The following RB1CC1 variants were observed in gnomAD, a reference collection of about 807,000 sequenced individuals.
RB1CC1 encodes RB1 inducible coiled-coil 1, also known as RB1-inducible coiled-coil protein 1.
Under a neutral mutation model 177.5 loss-of-function variants are expected in RB1CC1, and 46 were observed. The observed-to-expected ratio is 0.26, with a 90% CI of 0.20 to 0.33. The LOEUF is 0.33. Ranked by LOEUF, RB1CC1 falls within the 10% of genes least tolerant of loss-of-function variation. The probability of loss-of-function intolerance (pLI) is 1.00; values close to 1 mark genes in which losing one functional copy is unlikely to be tolerated. For synonymous variants in RB1CC1, 666 were observed against 613.6 expected (o/e 1.09, Z -1.26); for missense variants, 1,703 against 1,816.3 (o/e 0.94, Z 1.13).
At chr8:52,675,712 TCCAAA>T (rs1464544403) in intron 6 of RB1CC1, among the ~76,000 whole-genome samples, 12 of 48,416 alleles carry the variant, frequency 2.5e-4, no homozygotes, top group East Asian at 2.2e-3. Flanking sequence ...CTACTAAAAA[TCCAAA>T]AAAAAAAAAA....
chr8:52,661,037 A>C (rs1284566681), intron 10 of RB1CC1, 30 bp from the exon 11 acceptor site: 1 of 1,611,430 alleles, frequency 6.2e-7, no homozygotes, highest in Non-Finnish European at 8.5e-7. Flanking sequence ...GTTAAACATA[A>C]ACATACACCA....
intron 20 of RB1CC1, 125 bp downstream of exon 20, chr8:52,634,796 C>A: frequency 1.3e-6 from 1 of 788,332 alleles, no homozygotes; most frequent in Non-Finnish European, 1.9e-6. Flanking sequence ...CCAACACGGA[C>A]CAACAAACCT....
chr8:52,707,645 C>T (rs1268454657), intron 1 of RB1CC1, among the ~76,000 whole-genome samples: 1 of 152,066 alleles, frequency 6.6e-6, no homozygotes, highest in African/African-American at 2.4e-5. Flanking sequence ...CCAGTTACAA[C>T]CAAGGTAGTC....
intron 8 of RB1CC1, among the ~76,000 whole-genome samples, chr8:52,664,836 G>A (rs982646591): frequency 6.6e-6 from 1 of 152,160 alleles, no homozygotes; most frequent in African/African-American, 2.4e-5. Context: ...AAACCAAGTA[G>A]ACTTGAGGGC....
At chr8:52,668,857 A>C (rs1852310019) in intron 7 of RB1CC1, among the ~76,000 whole-genome samples, 1 of 152,240 alleles carries the variant, frequency 6.6e-6, no homozygotes, top group African/African-American at 2.4e-5. Context: ...TTAGCATGGC[A>C]GATAACCTTT....
chr8:52,630,519 T>G lies in RB1CC1; in HGVS notation c.4450A>C (p.Ser1484Arg). ...TGCCTTGAAGATACTGAAGACATGC[T>G]CTGAGACATCTAAAAAAAAAAAAAA... is the stretch of plus-strand genomic sequence containing the variant. ...KRLNQRLMSQ[S>R]MSSVSSRHSE... is the part of the protein sequence containing the mutation. The change falls in exon 21 of 24, where the codon AGC (serine) becomes CGC (arginine). Residue 1484 changes from serine to arginine, a missense_variant. Physicochemically the swap from Ser to Arg is moderately radical, Grantham distance 110 (BLOSUM62 -1). Transcript: ENST00000025008. 1 of 1,563,970 alleles carries G rather than the reference T, an allele frequency of 6.4e-7. No individual in the cohort carries two copies. The highest frequency in any genetic ancestry group is 8.6e-7 in the Non-Finnish European group (1 of 1,160,336).
At chr8:52,687,189 C>T (rs1228371353) in intron 1 of RB1CC1, among the ~76,000 whole-genome samples, 2 of 152,116 alleles carry the variant, frequency 1.3e-5, no homozygotes, top group African/African-American at 4.8e-5. Context: ...CGGCCATTTC[C>T]ACAACAATTC....
At chr8:52,668,721 T>C (rs1852294772) in intron 7 of RB1CC1, among the ~76,000 whole-genome samples, 1 of 152,162 alleles carries the variant, frequency 6.6e-6, no homozygotes, top group African/African-American at 2.4e-5. Flanking sequence ...CTATAAAATT[T>C]TCCGATAATG....
chr8:52,633,709 G>A (rs1360976549), intron 20 of RB1CC1, among the ~76,000 whole-genome samples: 2 of 152,146 alleles, frequency 1.3e-5, no homozygotes, highest in African/African-American at 4.8e-5. Flanking sequence ...TAAAGTTATT[G>A]CTTTATTAAA....
chr8:52,664,413 A>C (rs1851886380), intron 8 of RB1CC1, among the ~76,000 whole-genome samples: 1 of 152,202 alleles, frequency 6.6e-6, no homozygotes, highest in Non-Finnish European at 1.5e-5. Flanking sequence ...ATTGTCTCGA[A>C]ATGTTTAAAA....
In RB1CC1 at chr8:52,658,983, CA is replaced by C. The variant is rs1449888193; in HGVS notation, c.1690-8del. On this transcript the variant is annotated splice_polypyrimidine_tract_variant and splice_region_variant and intron_variant, in intron 12 of 23. Transcript: ENST00000025008. ...ACTTTCGAGGCTTTTGAGTCTGTAC[CA>C]AAAAAATTAATTACTTAAAAAATTT... The C allele has an allele frequency of 1.7e-5, 25 of 1,456,568 alleles. No homozygotes were observed. Among genetic ancestry groups the C allele is most frequent in the South Asian group, 4.4e-5 (3 of 68,188 alleles). The allele number at this position is 1,456,568 out of a possible 1,614,324, so 90.2% of individuals were successfully genotyped here.
At chr8:52,670,131 C>G (rs1391352992) in intron 7 of RB1CC1, among the ~76,000 whole-genome samples, 1 of 152,090 alleles carries the variant, frequency 6.6e-6, no homozygotes, top group East Asian at 1.9e-4. Context: ...GGGTATCGCC[C>G]TGTTACCTAG....
chr8:52,659,865 C>T (rs1260480866), intron 12 of RB1CC1, among the ~76,000 whole-genome samples: 1 of 152,146 alleles, frequency 6.6e-6, no homozygotes, highest in Non-Finnish European at 1.5e-5. Context: ...GATGTGGTGG[C>T]AGGCACCTCT....
At chr8:52,659,802 AGCTGG>A (rs887706664) in intron 12 of RB1CC1, among the ~76,000 whole-genome samples, 6 of 152,160 alleles carry the variant, frequency 3.9e-5, no homozygotes, top group Non-Finnish European at 8.8e-5. Context: ...GTTTGAGACC[AGCTGG>A]CCAACACGGT....
chr8:52,663,202 T>A (rs1851778280), intron 8 of RB1CC1, among the ~76,000 whole-genome samples: 2 of 152,120 alleles, frequency 1.3e-5, no homozygotes, highest in South Asian at 4.1e-4. Flanking sequence ...GTACTCACAA[T>A]CGTGTTCCAG....
At chr8:52,697,368 G>A (rs1034919480) in intron 1 of RB1CC1, among the ~76,000 whole-genome samples, 3 of 151,584 alleles carry the variant, frequency 2.0e-5, no homozygotes, top group Non-Finnish European at 4.4e-5. Flanking sequence ...CAAATGCCAT[G>A]TGTGAATTTG....
chr8:52,628,072 T>C lies in RB1CC1; in HGVS notation c.4596A>G (p.Ser1532=), dbSNP rs1294968896. 1.2e-6 allele frequency: 2 copies of C among 1,606,092 alleles called. No homozygotes were observed. The highest frequency in any genetic ancestry group is 1.7e-6 in the Non-Finnish European group (2 of 1,175,662). ...TGAGATCCAGGGCAGGTAGAGACTC[T>C]GAATGTAGAAAATATAAAGTAGGAC... ...TVSPTLYFLH[S]ESLPALDLKP... is the part of the protein sequence containing the mutation. Residue 1532 remains serine, a synonymous_variant, in exon 22 of 24, where the codon TCA becomes TCG. Transcript: ENST00000025008.
Position 52,635,995 on chromosome 8 carries a change from C to G in RB1CC1, c.4392+20G>C. The G allele has an allele frequency of 1.2e-6, 2 of 1,604,658 alleles. No individual in the cohort carries two copies. Among genetic ancestry groups the G allele is most frequent in the Non-Finnish European group, 1.7e-6 (2 of 1,176,698 alleles). On this transcript the variant is annotated intron_variant, in intron 19 of 23. Coordinates refer to ENST00000025008, the MANE Select transcript of RB1CC1 (RefSeq NM_014781.5). ...AGTGAACATATTAAACATGGTACTT[C>G]AAGAAGATAATTTACTTACTCGTTC... is the stretch of plus-strand genomic sequence containing the variant.
chr8:52,640,888 C>G (rs187288231), intron 18 of RB1CC1, among the ~76,000 whole-genome samples: 1 of 152,100 alleles, frequency 6.6e-6, no homozygotes, highest in East Asian at 1.9e-4. Flanking sequence ...TTCAACCAGA[C>G]AGAAACCTAA....
Sources: gnomAD v4.1 joint callset for allele counts (sites outside exome capture counted in the v4.1 genomes callset) on GRCh38, gnomAD v4.1.1 for gene constraint, MANE v1.5 for transcripts, NCBI Gene and HGNC (gene_info 2026-07-23, HGNC 2026-07-21) for gene names.